The following WASHC4 variants were observed in gnomAD, a reference collection of about 807,000 sequenced individuals.
WASHC4 encodes the protein WASH complex subunit 4.
In WASHC4, 86 loss-of-function variants were observed where a neutral mutation model predicts 166.6. That is an observed-to-expected ratio of 0.52 (90% CI 0.43 to 0.62). The LOEUF (loss-of-function observed/expected upper bound fraction) is 0.62, where lower values mean the gene tolerates loss of function less well. WASHC4 is among the 20% of genes least tolerant of loss of function. The pLI is 0.00. For synonymous variants in WASHC4, 446 were observed against 451.6 expected, an observed-to-expected ratio of 0.99 and a Z score of 0.16; for missense variants, 1,262 against 1,382.4, an observed-to-expected ratio of 0.91 and a Z score of 1.38.
chr12:105,114,032 G>A (rs373007869), intron 2 of WASHC4, among the ~76,000 whole-genome samples, 184 bp from the exon 3 acceptor site: 1 of 151,956 alleles, frequency 6.6e-6, no homozygotes, highest in African/African-American at 2.4e-5. Context: ...GTCATGTTGG[G>A]CCATTTCTTT....
chr12:105,162,611 T>C, intron 29 of WASHC4, 138 bp from the exon 30 acceptor site: 1 of 603,652 alleles, frequency 1.7e-6, no homozygotes, highest in Middle Eastern at 4.7e-4. Context: ...ATGTTTCAGA[T>C]GAAAAGGACA....
At position 105,124,943 on chromosome 12, in the gene WASHC4, C is replaced by T. The variant is rs568254829; in HGVS notation, c.787-1061C>T. ...AATACAAAATTCACTTTTTTACTCACGCTAGCCACATTTCAAGTCCTTAAT... is the reference window on the plus strand; with the variant it reads ...AATACAAAATTCACTTTTTTACTCATGCTAGCCACATTTCAAGTCCTTAAT... On this transcript the variant is annotated intron_variant, in intron 10 of 32. Coordinates refer to ENST00000332180, the MANE Select transcript of WASHC4 (RefSeq NM_015275.3). 3.0e-4 allele frequency among the ~76,000 whole-genome samples: 45 copies of T among 152,252 alleles called. No homozygotes were observed. In the South Asian group the frequency reaches 7.5e-3, roughly 25 times the overall value.
At chr12:105,115,849 TAATTAG>T in intron 6 of WASHC4, 121 bp downstream of exon 6, 1 of 722,500 alleles carries the variant, frequency 1.4e-6, no homozygotes, top group Non-Finnish European at 2.5e-6. Context: ...ATAAGACACT[TAATTAG>T]CATTGGATTA....
chr12:105,123,303 A>T (rs1362035382), intron 10 of WASHC4, among the ~76,000 whole-genome samples: 1 of 151,656 alleles, frequency 6.6e-6, no homozygotes, highest in Non-Finnish European at 1.5e-5. Context: ...GACGAGGGAG[A>T]CTCCATCTTT....
Position 105,167,870 on chromosome 12 carries a change from G to A in WASHC4, c.*939G>A, listed in dbSNP as rs1193184298. Reference sequence around the variant, plus strand: ...CAGGCTTTTAAAAAAATACCACTGTGAGAATAAAGCGCTAGCAAGATACAT... The same window carrying A: ...CAGGCTTTTAAAAAAATACCACTGTAAGAATAAAGCGCTAGCAAGATACAT... On this transcript the variant is annotated 3_prime_UTR_variant, in exon 33 of 33. Coordinates refer to ENST00000332180, the MANE Select transcript of WASHC4 (RefSeq NM_015275.3). 6.6e-6 allele frequency: 1 copy of A among 152,356 alleles called. No homozygotes were observed. The highest frequency in any genetic ancestry group is 1.5e-5 in the Non-Finnish European group (1 of 67,924). 9.4% of individuals were successfully genotyped at this position (152,356 alleles called of 1,614,324 possible).
Position 105,144,714 on chromosome 12 carries a change from G to A in WASHC4, c.2180-4G>A. On this transcript the variant is annotated splice_region_variant and splice_polypyrimidine_tract_variant and intron_variant, in intron 21 of 32. Coordinates refer to ENST00000332180, the MANE Select transcript of WASHC4 (RefSeq NM_015275.3). Reference sequence around the variant, plus strand: ...TCACAAGTTGAATTTTTTTTTTTTGGTAGCTTACGTAACTCACTACCTAGA... The same window carrying A: ...TCACAAGTTGAATTTTTTTTTTTTGATAGCTTACGTAACTCACTACCTAGA... 2 of 1,581,996 alleles carry A rather than the reference G, an allele frequency of 1.3e-6. No individual in the cohort carries two copies. Among genetic ancestry groups the A allele is most frequent in the South Asian group, 2.3e-5 (2 of 86,660 alleles).
intron 29 of WASHC4, among the ~76,000 whole-genome samples, 171 bp from the exon 30 acceptor site, chr12:105,162,578 C>A (rs977728191): frequency 1.3e-5 from 2 of 152,172 alleles, no homozygotes; most frequent in African/African-American, 4.8e-5. Flanking sequence ...ATTGTATCTT[C>A]ACCAAGAGGG....
chr12:105,152,468 G>A lies in WASHC4; in HGVS notation c.2758+17G>A. 7.3e-7 allele frequency: 1 copy of A among 1,364,148 alleles called. No individual in the cohort carries two copies. The highest frequency in any genetic ancestry group is 1.0e-6 in the Non-Finnish European group (1 of 952,754). The allele number at this position is 1,364,148 out of a possible 1,614,324, so 84.5% of individuals were successfully genotyped here. On this transcript the variant is annotated intron_variant, in intron 26 of 32. Transcript: ENST00000332180. ...GCCAGATTGGTAAGTTATGATAAAA[G>A]TGTTGGGAAATCAGGTACAGATCCC...
intron 32 of WASHC4, 38 bp downstream of exon 32, chr12:105,164,778 G>A (rs1436634616): frequency 1.4e-6 from 2 of 1,400,444 alleles, no homozygotes; most frequent in Admixed American, 1.8e-5. Flanking sequence ...ACCAATAAAT[G>A]TCTTTAGTAA....
intron 13 of WASHC4, among the ~76,000 whole-genome samples, chr12:105,132,787 AGTGTGTGTGTGTGTGTGTGTGTGT>A (rs58569487): frequency 1.4e-5 from 2 of 142,428 alleles, no homozygotes; most frequent in East Asian, 2.1e-4. Context: ...TGAAAGAGGT[AGTGTGTGTGTGTGTGTGTGTGTGT>A]GTGTGTGTGT....
At chr12:105,109,817 G>A (rs1247022990) in intron 1 of WASHC4, among the ~76,000 whole-genome samples, 3 of 152,032 alleles carry the variant, frequency 2.0e-5, no homozygotes, top group Non-Finnish European at 4.4e-5. Flanking sequence ...TAGAGACAAG[G>A]TTTTGCCATG....
rs1212240180 is a variant in WASHC4, at chr12:105,146,500, C to T, written c.2383C>T (p.Arg795Ter). The change falls in exon 23 of 33, where the codon CGA becomes TGA. Residue 795 changes from arginine (R) to a stop codon, truncating the protein, a stop_gained. Coordinates refer to ENST00000332180, the MANE Select transcript of WASHC4 (RefSeq NM_015275.3). LOFTEE classifies it high-confidence loss of function. ...IMRNIHIFVSRYLYNLNNQIF... is the reference protein window; with the variant it reads ...IMRNIHIFVS The stretch of plus-strand genomic sequence containing the variant: ...GAGAAACATTCATATATTTGTGTCC[C>T]GATACCTCTATAATCTCAACAATCA... The T allele has an allele frequency of 6.2e-7, 1 of 1,602,652 alleles. No homozygotes were observed. The highest frequency in any genetic ancestry group is 8.5e-7 in the Non-Finnish European group (1 of 1,170,984).
At position 105,122,090 on chromosome 12, in the gene WASHC4, T is replaced by G; in HGVS notation, c.666-28T>G. Reference sequence around the variant, plus strand: ...AATTTAAGAATTTATTAGGTAGATTTAAGATGTTTCTCTTAATTTTCCTCA... The same window carrying G: ...AATTTAAGAATTTATTAGGTAGATTGAAGATGTTTCTCTTAATTTTCCTCA... On this transcript the variant is annotated intron_variant, in intron 9 of 32. Coordinates refer to ENST00000332180, the MANE Select transcript of WASHC4 (RefSeq NM_015275.3). 2.0e-6 allele frequency: 3 copies of G among 1,532,866 alleles called. No homozygotes were observed. In the South Asian group the frequency reaches 3.4e-5, roughly 17 times the overall value. 95.0% of individuals were successfully genotyped at this position (1,532,866 alleles called of 1,614,324 possible).
chr12:105,151,145 C>CAAAAAA (rs34655671), intron 25 of WASHC4, among the ~76,000 whole-genome samples: 1 of 61,014 alleles, frequency 1.6e-5, no homozygotes, highest in African/African-American at 6.8e-5. Flanking sequence ...GACTCTGTCT[C>CAAAAAA]AAAAAAAAAA....
chr12:105,143,057 C>T, intron 19 of WASHC4, 70 bp from the exon 20 acceptor site: 1 of 910,964 alleles, frequency 1.1e-6, no homozygotes, highest in Non-Finnish European at 1.8e-6. Flanking sequence ...AGATAATTAA[C>T]TTTTGCAGTA....
chr12:105,149,115 C>T (rs987039111), intron 24 of WASHC4: 15 of 985,264 alleles, frequency 1.5e-5, no homozygotes, highest in South Asian at 1.4e-4. Context: ...GGAGAAGGCA[C>T]GTTGCCTTGT....
At chr12:105,147,407 A>T (rs1883385290) in intron 24 of WASHC4, 1 of 486,694 alleles carries the variant, frequency 2.1e-6, no homozygotes, top group African/African-American at 2.0e-5. Context: ...ATTTGAGGAC[A>T]TCAGCACATT....
intron 13 of WASHC4, among the ~76,000 whole-genome samples, chr12:105,129,106 C>T (rs1003197655): frequency 5.3e-5 from 8 of 151,982 alleles, no homozygotes; most frequent in East Asian, 1.9e-4. Flanking sequence ...CCACCACGCC[C>T]GGCTAATTTT....
At chr12:105,141,100 T>A in intron 17 of WASHC4, 55 bp downstream of exon 17, 1 of 1,611,432 alleles carries the variant, frequency 6.2e-7, no homozygotes. Flanking sequence ...ATTTCACAGT[T>A]CCCTTGTTAC....
Sources: allele counts gnomAD v4.1 joint callset (sites outside exome capture counted in the v4.1 genomes callset), GRCh38; gene constraint gnomAD v4.1.1; transcripts MANE v1.5; gene names NCBI Gene and HGNC (gene_info 2026-07-23, HGNC 2026-07-21).